The following VPS35L variants were observed in gnomAD, a reference collection of about 807,000 sequenced individuals.
VPS35L encodes the protein VPS35 endosomal protein-sorting factor-like.
In VPS35L, 83 loss-of-function variants were observed where a neutral mutation model predicts 133.0. That is an observed-to-expected ratio of 0.62 (90% CI 0.52 to 0.75). VPS35L has a LOEUF of 0.75. Among genes scored for constraint, VPS35L ranks in the 30% least tolerant of loss-of-function variants. The pLI is 0.00. For missense variants in VPS35L, 1,083 were observed against 1,206.8 expected (o/e 0.90, Z 1.52); for synonymous variants, 423 against 449.9 (o/e 0.94, Z 0.76).
intron 26 of VPS35L, among the ~76,000 whole-genome samples, chr16:19,658,600 C>T (rs560642208): frequency 2.0e-5 from 3 of 151,780 alleles, no homozygotes; most frequent in Non-Finnish European, 2.9e-5. Context: ...TTACACTAGG[C>T]GACACATGAT....
At chr16:19,581,121 A>G (rs1971695409) in intron 6 of VPS35L, among the ~76,000 whole-genome samples, 1 of 152,126 alleles carries the variant, frequency 6.6e-6, no homozygotes, top group African/African-American at 2.4e-5. Context: ...ATCTTGAGCA[A>G]AAATGTCTTT....
intron 26 of VPS35L, among the ~76,000 whole-genome samples, chr16:19,658,209 T>C (rs1413508858): frequency 6.6e-6 from 1 of 152,188 alleles, no homozygotes; most frequent in African/African-American, 2.4e-5. Context: ...CCAAGCATTG[T>C]ATGGGCAACA....
chr16:19,689,918 TTTTG>T (rs1350233550), intron 28 of VPS35L, among the ~76,000 whole-genome samples: 10 of 152,198 alleles, frequency 6.6e-5, no homozygotes, highest in Non-Finnish European at 1.5e-4. Context: ...ATTTATTTTA[TTTTG>T]TTTATTTTGA....
chr16:19,669,382 G>C, intron 27 of VPS35L, 83 bp downstream of exon 27: 1 of 1,425,524 alleles, frequency 7.0e-7, no homozygotes, highest in African/African-American at 1.4e-5. Context: ...GCCTAAAACT[G>C]CAGGAACATT....
chr16:19,646,869 A>G (rs1973967588), intron 23 of VPS35L, among the ~76,000 whole-genome samples: 2 of 152,140 alleles, frequency 1.3e-5, no homozygotes, highest in South Asian at 2.1e-4. Flanking sequence ...ACATCCCACC[A>G]TTATACTATC....
Position 19,639,947 on chromosome 16 carries a change from A to G in VPS35L, c.1699-68A>G. The G allele has an allele frequency of 2.2e-6, 3 of 1,358,316 alleles. No individual in the cohort carries two copies. In the South Asian group the frequency reaches 3.6e-5, roughly 16 times the overall value. The allele number at this position is 1,358,316 out of a possible 1,614,324, so 84.1% of individuals were successfully genotyped here. ...GCTTCTTTGAACTCCACAGAAAAAG[A>G]GACCCACAGATTCCTTCCTTCCAAT... is the stretch of plus-strand genomic sequence containing the variant. On this transcript the variant is annotated intron_variant, in intron 20 of 30. Coordinates refer to ENST00000417362, the MANE Select transcript of VPS35L (RefSeq NM_020314.7). The surrounding 1 kb of genome is among the most constrained non-coding windows in gnomAD (Gnocchi z 4.1).
At chr16:19,656,882 T>C (rs758643062) in intron 26 of VPS35L, among the ~76,000 whole-genome samples, 1 of 151,914 alleles carries the variant, frequency 6.6e-6, no homozygotes, top group Non-Finnish European at 1.5e-5. Context: ...AACTGATGAA[T>C]TATGCTAAAA....
intron 3 of VPS35L, among the ~76,000 whole-genome samples, chr16:19,570,881 A>T (rs1301959035): frequency 0.015 from 937 of 63,998 alleles, 56 homozygotes; most frequent in African/African-American, 0.071. Flanking sequence ...ATATATATAT[A>T]TATATATATT....
chr16:19,639,845 CA>C lies in VPS35L; in HGVS notation c.1699-168del, dbSNP rs1179198702. On this transcript the variant is annotated intron_variant, in intron 20 of 30. Coordinates refer to ENST00000417362, the MANE Select transcript of VPS35L (RefSeq NM_020314.7). This position sits in a 1 kb window ranked among gnomAD's most constrained non-coding sequence, Gnocchi z 4.1. Reference sequence around the variant, plus strand: ...TGCCCGGCCCAGTAACAGCTTTTTACAAGCCCAGTCAGGTCCTCTCCCTGAT... The same window carrying C: ...TGCCCGGCCCAGTAACAGCTTTTTACAGCCCAGTCAGGTCCTCTCCCTGAT... Among the ~76,000 whole-genome samples, 1 of 152,120 alleles carries C rather than the reference CA, an allele frequency of 6.6e-6. No individual in the cohort carries two copies. Among genetic ancestry groups the C allele is most frequent in the Non-Finnish European group, 1.5e-5 (1 of 68,020 alleles).
intron 1 of VPS35L, among the ~76,000 whole-genome samples, chr16:19,557,573 G>A (rs1970900868): frequency 6.6e-6 from 1 of 151,964 alleles, no homozygotes; most frequent in Non-Finnish European, 1.5e-5. Flanking sequence ...AGTAGAGACG[G>A]TGTTTCATCA....
chr16:19,627,303 C>G (rs941731339), intron 15 of VPS35L, among the ~76,000 whole-genome samples: 8 of 151,448 alleles, frequency 5.3e-5, no homozygotes, highest in Non-Finnish European at 1.0e-4. Flanking sequence ...ACAAAAAAAC[C>G]AAAACTCTTG....
At chr16:19,631,900 C>T (rs1000716545) in intron 18 of VPS35L, among the ~76,000 whole-genome samples, 2 of 151,840 alleles carry the variant, frequency 1.3e-5, no homozygotes, top group African/African-American at 4.8e-5. Flanking sequence ...GCCCAGGTTG[C>T]AGGGTTCACT....
intron 27 of VPS35L, among the ~76,000 whole-genome samples, chr16:19,677,651 CAG>C (rs1476643474): frequency 6.6e-6 from 1 of 152,160 alleles, no homozygotes; most frequent in Non-Finnish European, 1.5e-5. Context: ...CAGGAGGGCA[CAG>C]GGGATGCCCG....
intron 7 of VPS35L, among the ~76,000 whole-genome samples, chr16:19,582,645 G>A (rs572321287): frequency 6.6e-6 from 1 of 152,340 alleles, no homozygotes; most frequent in South Asian, 2.1e-4. Flanking sequence ...AGTGTCTCGA[G>A]TGAGAAACTA....
At chr16:19,578,385 A>G (rs1411972974) in intron 5 of VPS35L, 1 of 429,374 alleles carries the variant, frequency 2.3e-6, no homozygotes, top group Non-Finnish European at 4.6e-6. Context: ...AAAAAAAAAA[A>G]ATGCTAGAAC....
rs139167516 is a variant in VPS35L at position 19,669,179 on chromosome 16, C to T, written c.2241C>T (p.Ala747=). The T allele has an allele frequency of 2.7e-5, 44 of 1,602,358 alleles. No individual in the cohort carries two copies. Among genetic ancestry groups the T allele is most frequent in the Non-Finnish European group, 3.2e-5 (37 of 1,172,272 alleles). ...TTGCAGCTGATGCTTTTTTCAAAGC[C>T]GCTATAAGCCTTGTTCCGGAAGTTC... ...CLSQADAFFK[A]AISLVPEVPK... The change falls in exon 27 of 31, where the codon GCC becomes GCT. Residue 747 remains alanine, a synonymous_variant. Transcript: ENST00000417362.
chr16:19,653,259 C>T (rs763521869), intron 26 of VPS35L, among the ~76,000 whole-genome samples: 3 of 152,184 alleles, frequency 2.0e-5, no homozygotes, highest in Non-Finnish European at 4.4e-5. Flanking sequence ...TTACCTACTG[C>T]AACGGTGTAC....
chr16:19,691,090 A>C (rs1975660797), intron 28 of VPS35L, among the ~76,000 whole-genome samples: 1 of 152,208 alleles, frequency 6.6e-6, no homozygotes, highest in African/African-American at 2.4e-5. Flanking sequence ...ATTATTATTA[A>C]TGTCACCCCC....
At chr16:19,671,442 C>A (rs939862710) in intron 27 of VPS35L, among the ~76,000 whole-genome samples, 1 of 148,996 alleles carries the variant, frequency 6.7e-6, no homozygotes, top group Non-Finnish European at 1.5e-5. Flanking sequence ...GCACTCCAGC[C>A]TGGACAACAG....
Sources: allele counts gnomAD v4.1 joint callset (sites outside exome capture counted in the v4.1 genomes callset), GRCh38; gene constraint gnomAD v4.1.1; non-coding constraint Gnocchi (gnomAD v3.1); transcripts MANE v1.5; gene names NCBI Gene and HGNC (gene_info 2026-07-23, HGNC 2026-07-21).